TBX4: variants seen among roughly 807,000 people sequenced by gnomAD.
TBX4 encodes T-box transcription factor 4.
In TBX4, 13 loss-of-function variants were observed where a neutral mutation model predicts 54.6. That is an observed-to-expected ratio of 0.24 (90% confidence interval 0.15 to 0.38). The LOEUF (loss-of-function observed/expected upper bound fraction) is 0.38, where lower values mean the gene tolerates loss of function less well. TBX4 is among the 10% of genes least tolerant of loss of function. The pLI is 1.00. For missense variants in TBX4, 631 were observed against 728.5 expected (o/e 0.87, Z 1.54); for synonymous variants, 314 against 306.7 (o/e 1.02, Z -0.25).
intron 5 of TBX4, among the ~76,000 whole-genome samples, chr17:61,468,387 TG>T (rs2060551000): frequency 1.3e-5 from 2 of 152,246 alleles, no homozygotes; most frequent in Admixed American, 6.5e-5. Flanking sequence ...AACAGAAGTC[TG>T]GGGACCTGGT....
At position 61,478,660 on chromosome 17, in the gene TBX4, C is replaced by T. The variant is rs1207464008; in HGVS notation, c.583C>T (p.Arg195Trp). ...CAACTCTATGCACAAGTACCAGCCG[C>T]GGCTCCACATCGTTAAGGCTGATGA... ...ILNSMHKYQP[R>W]LHIVKADENN... Residue 195 changes from arginine to tryptophan, a missense_variant, in exon 6 of 9, where the codon CGG (arginine) becomes TGG (tryptophan). Physicochemically the swap from Arg to Trp is moderately radical, Grantham distance 101 (BLOSUM62 -3). Coordinates refer to ENST00000644296, the MANE Select transcript of TBX4 (RefSeq NM_001321120.2). This position sits in a 1 kb window ranked among gnomAD's most constrained non-coding sequence, Gnocchi z 7.4. The T allele has an allele frequency of 2.5e-6, 4 of 1,614,186 alleles. No individual in the cohort carries two copies. The highest frequency in any genetic ancestry group is 1.1e-5 in the South Asian group (1 of 91,078).
In TBX4 at chr17:61,467,366, C is replaced by T. The variant is rs2060544069; in HGVS notation, c.402-144C>T. 6.7e-6 allele frequency: 6 copies of T among 891,842 alleles called. No individual in the cohort carries two copies. The South Asian group carries it at 9.0e-5, about 13-fold the overall frequency. The allele number at this position is 891,842 out of a possible 1,614,324, so 55.2% of individuals were successfully genotyped here. On this transcript the variant is annotated intron_variant, in intron 4 of 8. Coordinates refer to ENST00000644296, the MANE Select transcript of TBX4 (RefSeq NM_001321120.2). ...TCTCCTCTGAACCTCACACTCCTAC[C>T]CTTGAAGTACTAATTTGACAATGTG...
rs3785831 is a variant in TBX4, at chr17:61,461,458, C to G, written c.281+3827C>G. ...TACACCCAGGATTCCTCCTGAAAAG[C>G]CCCCACGGACATCAGGGTTGGAGAA... On this transcript the variant is annotated intron_variant, in intron 3 of 8. Transcript: ENST00000644296. The surrounding 1 kb of genome is among the most constrained non-coding windows in gnomAD (Gnocchi z 5.1). Among the ~76,000 whole-genome samples, 64 of 152,268 alleles carry G rather than the reference C, an allele frequency of 4.2e-4. No homozygotes were observed. In the East Asian group the frequency reaches 0.012, roughly 28 times the overall value.
chr17:61,474,777 C>T lies in TBX4; in HGVS notation c.550-3850C>T, dbSNP rs926532001. On this transcript the variant is annotated intron_variant, in intron 5 of 8. Transcript: ENST00000644296. This position sits in a 1 kb window ranked among gnomAD's most constrained non-coding sequence, Gnocchi z 4.6. ...ACTCTGGCAAAGTAGTTTAATGTGG[C>T]GCCTGAGGAACTTCCGAGCAAAGCC... is the stretch of plus-strand genomic sequence containing the variant. Among the ~76,000 whole-genome samples the T allele has an allele frequency of 3.9e-5, 6 of 152,208 alleles. No homozygotes were observed. Among genetic ancestry groups the T allele is most frequent in the African/African-American group, 1.2e-4 (5 of 41,444 alleles).
intron 5 of TBX4, among the ~76,000 whole-genome samples, chr17:61,473,783 T>A (rs2060598133): frequency 6.6e-6 from 1 of 152,256 alleles, no homozygotes; most frequent in Non-Finnish European, 1.5e-5. Context: ...ATACGGATAC[T>A]GTAAAGATTA....
At chr17:61,468,599 G>A (rs1471237256) in intron 5 of TBX4, among the ~76,000 whole-genome samples, 1 of 152,194 alleles carries the variant, frequency 6.6e-6, no homozygotes, top group African/African-American at 2.4e-5. Context: ...TCTGATTGAT[G>A]GGTATGTAAC....
At position 61,457,006 on chromosome 17, in the gene TBX4, T is replaced by G. The variant is rs1327069783; in HGVS notation, c.186+330T>G. 6.6e-6 allele frequency among the ~76,000 whole-genome samples: 1 copy of G among 152,128 alleles called. No individual in the cohort carries two copies. Among genetic ancestry groups the G allele is most frequent in the Non-Finnish European group, 1.5e-5 (1 of 68,004 alleles). The stretch of plus-strand genomic sequence containing the variant: ...CAGCTCCAACAACCCGTAGAGGGCC[T>G]GGGACCCAACGGCGAGGGGGCAGGA... On this transcript the variant is annotated intron_variant, in intron 2 of 8. Coordinates refer to ENST00000644296, the MANE Select transcript of TBX4 (RefSeq NM_001321120.2). This position sits in a 1 kb window ranked among gnomAD's most constrained non-coding sequence, Gnocchi z 8.2.
At chr17:61,469,629 C>T (rs1271091276) in intron 5 of TBX4, among the ~76,000 whole-genome samples, 1 of 152,212 alleles carries the variant, frequency 6.6e-6, no homozygotes, top group Non-Finnish European at 1.5e-5. Flanking sequence ...GGTCCAGTGT[C>T]TCTGGGCTTC....
chr17:61,461,350 G>A lies in TBX4; in HGVS notation c.281+3719G>A, dbSNP rs2060492919. On this transcript the variant is annotated intron_variant, in intron 3 of 8. Transcript: ENST00000644296. This position sits in a 1 kb window ranked among gnomAD's most constrained non-coding sequence, Gnocchi z 5.1. ...CAAAATCAGAACTCACTTGGCTACA[G>A]AAGGCTTGGTCTCAGTGTAGGTGGC... is the stretch of plus-strand genomic sequence containing the variant. 6.6e-6 allele frequency among the ~76,000 whole-genome samples: 1 copy of A among 152,212 alleles called. No individual in the cohort carries two copies. The highest frequency in any genetic ancestry group is 2.4e-5 in the African/African-American group (1 of 41,448).
At chr17:61,454,606 G>C (rs2060433963) in intron 1 of TBX4, among the ~76,000 whole-genome samples, 1 of 152,264 alleles carries the variant, frequency 6.6e-6, no homozygotes. Context: ...GTGGCGGAGA[G>C]AAAAGGAAGA....
intron 3 of TBX4, among the ~76,000 whole-genome samples, chr17:61,463,970 A>G (rs1423435487): frequency 6.6e-6 from 1 of 152,120 alleles, no homozygotes; most frequent in African/African-American, 2.4e-5. Flanking sequence ...CTGCGCCCCC[A>G]GGCCCCATAG....
chr17:61,473,265 AT>A (rs2060593691), intron 5 of TBX4, among the ~76,000 whole-genome samples: 2 of 152,152 alleles, frequency 1.3e-5, no homozygotes, highest in African/African-American at 4.8e-5. Context: ...CTTTCACTAC[AT>A]TTTCTCACCA....
rs368237827 is a variant in TBX4, at chr17:61,474,146, G to A, written c.550-4481G>A. The stretch of plus-strand genomic sequence containing the variant: ...GGAGGATCAGAAGGATGATGGAGAA[G>A]GTAGTCACAGAAAATAAAATTATGA... On this transcript the variant is annotated intron_variant, in intron 5 of 8. Transcript: ENST00000644296. This position sits in a 1 kb window ranked among gnomAD's most constrained non-coding sequence, Gnocchi z 4.6. Among the ~76,000 whole-genome samples the A allele has an allele frequency of 6.6e-6, 1 of 152,280 alleles. No homozygotes were observed. The highest frequency in any genetic ancestry group is 1.9e-4 in the East Asian group (1 of 5,194).
In TBX4 at chr17:61,474,411, G is replaced by A. The variant is rs566384984; in HGVS notation, c.550-4216G>A. On this transcript the variant is annotated intron_variant, in intron 5 of 8. Transcript: ENST00000644296. This position sits in a 1 kb window ranked among gnomAD's most constrained non-coding sequence, Gnocchi z 4.6. ...TCCAACCAGCTGTGTGTTCCTGGGC[G>A]AGTCACGTCTCCACTACCAGCATTC... Among the ~76,000 whole-genome samples, 65 of 152,220 alleles carry A rather than the reference G, an allele frequency of 4.3e-4. No individual in the cohort carries two copies. The highest frequency in any genetic ancestry group is 6.3e-4 in the Non-Finnish European group (43 of 68,022).
intron 2 of TBX4, 55 bp downstream of exon 2, chr17:61,456,731 C>G: frequency 7.8e-7 from 1 of 1,279,066 alleles, no homozygotes; most frequent in Non-Finnish European, 1.0e-6. Flanking sequence ...TCTGCGGGGC[C>G]GCCTGTGTCC....
intron 1 of TBX4, among the ~76,000 whole-genome samples, chr17:61,454,615 G>A (rs182219525): frequency 6.6e-6 from 1 of 152,390 alleles, no homozygotes; most frequent in Non-Finnish European, 1.5e-5. Flanking sequence ...AGAAAAGGAA[G>A]AGGCAAACCC....
In TBX4 at chr17:61,459,405, C is replaced by T. The variant is rs908381606; in HGVS notation, c.281+1774C>T. On this transcript the variant is annotated intron_variant, in intron 3 of 8. Coordinates refer to ENST00000644296, the MANE Select transcript of TBX4 (RefSeq NM_001321120.2). The surrounding 1 kb of genome is among the most constrained non-coding windows in gnomAD (Gnocchi z 4.8). ...AAGGGGAATGGGGCTATTTCTTGTG[C>T]CTGCTAGTGTGGAAAGAAGGTAAGA... Among the ~76,000 whole-genome samples the T allele has an allele frequency of 6.6e-6, 1 of 152,162 alleles. No homozygotes were observed. The highest frequency in any genetic ancestry group is 2.4e-5 in the African/African-American group (1 of 41,428).
rs549158034 is a variant in TBX4 at position 61,462,447 on chromosome 17, G to T, written c.282-3372G>T. Among the ~76,000 whole-genome samples, 29 of 152,282 alleles carry T rather than the reference G, an allele frequency of 1.9e-4. No homozygotes were observed. Among genetic ancestry groups the T allele is most frequent in the African/African-American group, 6.5e-4 (27 of 41,570 alleles). ...GAGGGCGCTTGGGGCGCGGAGAGAAGGTGCGGGGCACGTGGAAAGCGTGCC... is the reference window on the plus strand; with the variant it reads ...GAGGGCGCTTGGGGCGCGGAGAGAATGTGCGGGGCACGTGGAAAGCGTGCC... On this transcript the variant is annotated intron_variant, in intron 3 of 8. Coordinates refer to ENST00000644296, the MANE Select transcript of TBX4 (RefSeq NM_001321120.2). This position sits in a 1 kb window ranked among gnomAD's most constrained non-coding sequence, Gnocchi z 4.5.
At chr17:61,473,620 G>A (rs2060597121) in intron 5 of TBX4, among the ~76,000 whole-genome samples, 1 of 152,194 alleles carries the variant, frequency 6.6e-6, no homozygotes, top group Admixed American at 6.5e-5. Context: ...ACCCTCCCCA[G>A]CCAGGTTAAG....
Sources: allele counts gnomAD v4.1 joint callset (sites outside exome capture counted in the v4.1 genomes callset), GRCh38; gene constraint gnomAD v4.1.1; non-coding constraint Gnocchi (gnomAD v3.1); transcripts MANE v1.5; gene names NCBI Gene and HGNC (gene_info 2026-07-23, HGNC 2026-07-21).